DGKH: variants seen among roughly 807,000 people sequenced by gnomAD.
DGKH encodes the protein diacylglycerol kinase eta, also known as DAG kinase eta.
Under a neutral mutation model 159.3 loss-of-function variants are expected in DGKH, and 90 were observed. That is an observed-to-expected ratio of 0.57 (90% CI 0.48 to 0.67). DGKH has a LOEUF of 0.67. Among genes scored for constraint, DGKH ranks in the 30% least tolerant of loss-of-function variants. The pLI is 0.00. For synonymous variants in DGKH, 536 were observed against 553.8 expected (o/e 0.97, Z 0.45); for missense variants, 1,181 against 1,506.1 (o/e 0.78, Z 3.57).
At chr13:42,168,878 G>A in intron 11 of DGKH, 60 bp downstream of exon 11, 3 of 1,436,768 alleles carry the variant, frequency 2.1e-6, no homozygotes, top group Non-Finnish European at 2.8e-6. Context: ...TCATTTTTTT[G>A]ATGATTTCTT....
intron 11 of DGKH, among the ~76,000 whole-genome samples, chr13:42,172,933 C>T (rs913341583): frequency 6.6e-6 from 1 of 151,946 alleles, no homozygotes. Flanking sequence ...CCATGGCCTC[C>T]CAAAGTGCTG....
intron 1 of DGKH, among the ~76,000 whole-genome samples, chr13:42,123,301 AT>A (rs756595414): frequency 5.9e-5 from 9 of 152,208 alleles, no homozygotes; most frequent in Non-Finnish European, 7.4e-5. Flanking sequence ...TAAAAAAAAA[AT>A]AAAGCAATGT....
chr13:42,121,822 C>T (rs1955078561), intron 1 of DGKH, among the ~76,000 whole-genome samples: 1 of 152,176 alleles, frequency 6.6e-6, no homozygotes, highest in Admixed American at 6.5e-5. Context: ...ACCCAGGTTC[C>T]TGGGACACAG....
intron 1 of DGKH, among the ~76,000 whole-genome samples, chr13:42,065,659 G>C (rs866786943): frequency 2.6e-5 from 4 of 152,160 alleles, no homozygotes; most frequent in Non-Finnish European, 5.9e-5. Flanking sequence ...TGGTGGACTG[G>C]GGGTAGTTGA....
At chr13:42,176,036 A>T (rs1405150842) in intron 12 of DGKH, among the ~76,000 whole-genome samples, 1 of 152,210 alleles carries the variant, frequency 6.6e-6, no homozygotes, top group Non-Finnish European at 1.5e-5. Flanking sequence ...TACCTTTCTG[A>T]CCGTGCTAAG....
chr13:42,095,137 G>A (rs561371903), intron 1 of DGKH, among the ~76,000 whole-genome samples: 38 of 142,950 alleles, frequency 2.7e-4, no homozygotes, highest in African/African-American at 8.8e-4. Flanking sequence ...TATAGCAGCC[G>A]CTCAATAAAT....
chr13:42,209,731 C>T (rs1001284568), intron 23 of DGKH, among the ~76,000 whole-genome samples: 1 of 152,128 alleles, frequency 6.6e-6, no homozygotes, highest in Non-Finnish European at 1.5e-5. Flanking sequence ...TTCTTCCCTA[C>T]ACATGTAAAT....
At chr13:42,147,668 A>G (rs1019092431) in intron 3 of DGKH, among the ~76,000 whole-genome samples, 4 of 152,216 alleles carry the variant, frequency 2.6e-5, no homozygotes, top group African/African-American at 4.8e-5. Flanking sequence ...TCCATTAACT[A>G]ATACTGCTAA....
intron 13 of DGKH, 148 bp from the exon 14 acceptor site, chr13:42,186,901 T>C: frequency 1.6e-6 from 1 of 632,534 alleles, no homozygotes. Context: ...TGAGACAAAC[T>C]GCACAGCAGA....
rs1188411370 is a variant in DGKH at position 42,230,280 on chromosome 13, A to G, written c.*1092A>G. 1 of 152,164 alleles carries G rather than the reference A, an allele frequency of 6.6e-6. No individual in the cohort carries two copies. The highest frequency in any genetic ancestry group is 1.9e-4 in the East Asian group (1 of 5,188). The allele number at this position is 152,164 out of a possible 1,614,324, so 9.4% of individuals were successfully genotyped here. A position where few individuals can be genotyped will look rare whatever the true frequency, so the allele number is the denominator to read the frequency against. ...TAACCCAGACTCACCCGCTCTCTAC[A>G]GTGACTTCTGACACGATCTTCCAAA... On this transcript the variant is annotated 3_prime_UTR_variant, in exon 30 of 30. Coordinates refer to ENST00000337343, the MANE Select transcript of DGKH (RefSeq NM_178009.5).
chr13:42,116,351 A>G (rs1432602086), intron 1 of DGKH, among the ~76,000 whole-genome samples: 1 of 152,222 alleles, frequency 6.6e-6, no homozygotes, highest in African/African-American at 2.4e-5. Context: ...CACAAATAAA[A>G]TGTAGAGTGT....
chr13:42,217,216 T>C (rs1204640756), intron 26 of DGKH, among the ~76,000 whole-genome samples: 1 of 152,202 alleles, frequency 6.6e-6, no homozygotes, highest in East Asian at 1.9e-4. Context: ...ATTCTTAGAC[T>C]AAACGAAAAT....
chr13:42,194,040 T>C (rs773743301), intron 16 of DGKH, among the ~76,000 whole-genome samples: 20 of 152,198 alleles, frequency 1.3e-4, no homozygotes, highest in Non-Finnish European at 2.8e-4. Flanking sequence ...TACAAGAATA[T>C]GATAGAACTG....
intron 1 of DGKH, among the ~76,000 whole-genome samples, chr13:42,110,471 G>C (rs535378227): frequency 6.6e-6 from 1 of 152,284 alleles, no homozygotes; most frequent in East Asian, 1.9e-4. Flanking sequence ...CATCATTGTG[G>C]CCATGGGGGA....
At chr13:42,185,289 C>G (rs943451778) in intron 13 of DGKH, among the ~76,000 whole-genome samples, 2 of 152,174 alleles carry the variant, frequency 1.3e-5, no homozygotes, top group Non-Finnish European at 2.9e-5. Context: ...AGCATGTCTT[C>G]TGATTCTTTC....
chr13:42,091,459 C>T (rs1302216300), intron 1 of DGKH, among the ~76,000 whole-genome samples: 2 of 151,952 alleles, frequency 1.3e-5, no homozygotes, highest in Non-Finnish European at 2.9e-5. Flanking sequence ...TCCTACAATT[C>T]AACAAAAATA....
downstream of DGKH, among the ~76,000 whole-genome samples, chr13:42,243,857 C>T (rs1169242151): frequency 2.0e-5 from 3 of 152,192 alleles, no homozygotes; most frequent in South Asian, 2.1e-4. Context: ...TGGCCAAATC[C>T]GTGACTTCTG....
chr13:42,123,118 T>G (rs776081475), intron 1 of DGKH, among the ~76,000 whole-genome samples: 1 of 152,214 alleles, frequency 6.6e-6, no homozygotes, highest in Non-Finnish European at 1.5e-5. Flanking sequence ...AGTTACATAT[T>G]AGCTACATTA....
intron 1 of DGKH, among the ~76,000 whole-genome samples, chr13:42,062,657 G>A (rs372858750): frequency 2.6e-5 from 4 of 152,324 alleles, no homozygotes; most frequent in African/African-American, 9.6e-5. Context: ...CTTGGGAGGT[G>A]TCCTTATGAT....
Sources: gnomAD v4.1 joint callset for allele counts (sites outside exome capture counted in the v4.1 genomes callset) on GRCh38, gnomAD v4.1.1 for gene constraint, MANE v1.5 for transcripts, NCBI Gene and HGNC (gene_info 2026-07-23, HGNC 2026-07-21) for gene names.